SRGAP3: variants seen among roughly 807,000 people sequenced by gnomAD.
SRGAP3 encodes the protein SLIT-ROBO Rho GTPase-activating protein 3.
Under a neutral mutation model 121.1 loss-of-function variants are expected in SRGAP3, and 39 were observed. The ratio of observed to expected loss-of-function variants is 0.32; its 90% CI spans 0.25 to 0.42. The LOEUF (loss-of-function observed/expected upper bound fraction) is 0.42, where lower values mean the gene tolerates loss of function less well. Ranked by LOEUF, SRGAP3 falls within the 10% of genes least tolerant of loss-of-function variation. The pLI is 1.00. For synonymous variants in SRGAP3, 601 were observed against 570.0 expected (o/e 1.05, Z -0.77); for missense variants, 1,213 against 1,470.6 (o/e 0.82, Z 2.86).
At position 9,239,365 on chromosome 3, in the gene SRGAP3, G is replaced by A. The variant is rs1313406413; in HGVS notation, c.67+9520C>T. On this transcript the variant is annotated intron_variant, in intron 1 of 21. Transcript: ENST00000383836. The surrounding 1 kb of genome is among the most constrained non-coding windows in gnomAD (Gnocchi z 4.0). Reference sequence around the variant, plus strand: ...ACTGCATTCCAGTCTGGGCAACAGAGCAAGACTCTGTCTCAAAAAAACAAA... The same window carrying A: ...ACTGCATTCCAGTCTGGGCAACAGAACAAGACTCTGTCTCAAAAAAACAAA... Among the ~76,000 whole-genome samples, 2 of 152,200 alleles carry A rather than the reference G, an allele frequency of 1.3e-5. No homozygotes were observed. The highest frequency in any genetic ancestry group is 1.3e-4 in the Admixed American group (2 of 15,282).
intron 1 of SRGAP3, among the ~76,000 whole-genome samples, chr3:9,341,823 T>C (rs1029067279): frequency 1.3e-5 from 2 of 152,178 alleles, no homozygotes; most frequent in Admixed American, 6.5e-5. Flanking sequence ...CTAGACTGAC[T>C]AGGCTTTCTG....
chr3:8,994,610 G>C, intron 18 of SRGAP3, 87 bp from the exon 19 acceptor site: 1 of 1,539,752 alleles, frequency 6.5e-7, no homozygotes, highest in African/African-American at 1.4e-5. Context: ...GGCTTCTCTG[G>C]GGAAGGATAG....
intron 3 of SRGAP3, among the ~76,000 whole-genome samples, chr3:9,279,452 G>A (rs1360102479): frequency 1.3e-5 from 2 of 151,774 alleles, no homozygotes; most frequent in Non-Finnish European, 2.9e-5. Flanking sequence ...CTCTCTGTCT[G>A]AGCAAAATCC....
chr3:9,221,204 T>G (rs1952800322), intron 1 of SRGAP3, among the ~76,000 whole-genome samples: 1 of 152,202 alleles, frequency 6.6e-6, no homozygotes, highest in Non-Finnish European at 1.5e-5. Flanking sequence ...TCAGCAAAGC[T>G]TCCTGCTTTC....
At chr3:9,207,172 G>A (rs111491044) in intron 1 of SRGAP3, among the ~76,000 whole-genome samples, 21 of 152,266 alleles carry the variant, frequency 1.4e-4, no homozygotes, top group African/African-American at 4.1e-4. Flanking sequence ...TTTAAGTACC[G>A]TTGTCCCTAT....
At chr3:9,205,462 C>T (rs1266279878) in intron 1 of SRGAP3, among the ~76,000 whole-genome samples, 3 of 152,344 alleles carry the variant, frequency 2.0e-5, no homozygotes, top group Middle Eastern at 3.4e-3. Context: ...ACAACTATCA[C>T]GTTTACAGAA....
At chr3:9,315,528 G>A (rs1955328475) in intron 3 of SRGAP3, among the ~76,000 whole-genome samples, 4 of 152,154 alleles carry the variant, frequency 2.6e-5, no homozygotes. Flanking sequence ...CGAAAGGAAG[G>A]GTAATGGCTG....
At chr3:9,236,820 A>C (rs1025529787) in intron 1 of SRGAP3, among the ~76,000 whole-genome samples, 11 of 152,200 alleles carry the variant, frequency 7.2e-5, no homozygotes, top group African/African-American at 2.7e-4. Context: ...TCATAGAACT[A>C]TGTGTCTGAG....
Position 9,320,798 on chromosome 3 carries a change from A to G in SRGAP3, n.442+5212T>C, listed in dbSNP as rs1955426896. On this transcript the variant is annotated intron_variant and non_coding_transcript_variant, in intron 3 of 3. Transcript: ENST00000490889. ...ATCACCTTGAACTTCTCAGTTAAGT[A>G]AACCAATAAATTCCCTTTTTGAGTA... Among the ~76,000 whole-genome samples, 2 of 151,860 alleles carry G rather than the reference A, an allele frequency of 1.3e-5. 1 individual carries two copies. Among genetic ancestry groups the G allele is most frequent in the South Asian group, 4.1e-4 (2 of 4,828 alleles).
chr3:9,238,430 T>C (rs1953494509), intron 1 of SRGAP3, among the ~76,000 whole-genome samples: 1 of 151,982 alleles, frequency 6.6e-6, no homozygotes, highest in Non-Finnish European at 1.5e-5. Context: ...AACGTGAGAT[T>C]TATGGAAAAC....
chr3:9,155,760 T>C (rs143632677), intron 1 of SRGAP3, among the ~76,000 whole-genome samples: 1,620 of 152,324 alleles, frequency 0.011, 19 homozygotes, highest in Non-Finnish European at 0.017. Context: ...CCGGTGTTCT[T>C]GTTTGGTTTC....
At chr3:9,106,164 G>T (rs1948413466) in intron 2 of SRGAP3, among the ~76,000 whole-genome samples, 2 of 152,240 alleles carry the variant, frequency 1.3e-5, no homozygotes, top group South Asian at 4.1e-4. Flanking sequence ...AGGAAAGGGT[G>T]GATACACCCT....
intron 1 of SRGAP3, among the ~76,000 whole-genome samples, chr3:9,183,983 T>C (rs1951517160): frequency 6.6e-6 from 1 of 152,062 alleles, no homozygotes; most frequent in South Asian, 2.1e-4. Context: ...CCTCGCCTCC[T>C]CTTGGAGCTG....
At position 9,064,420 on chromosome 3, in the gene SRGAP3, C is replaced by G. The variant is rs369074306; in HGVS notation, c.648G>C (p.Lys216Asn). 6.2e-7 allele frequency: 1 copy of G among 1,614,254 alleles called. No individual in the cohort carries two copies. Among genetic ancestry groups the G allele is most frequent in the Non-Finnish European group, 8.5e-7 (1 of 1,180,050 alleles). Residue 216 changes from lysine (K) to asparagine (N), a missense_variant, in exon 5 of 22, where the codon AAG (lysine) becomes AAC (asparagine). This residue lies in a region of SRGAP3 where 793 missense variants were observed against 1,032.9 expected (regional missense o/e 0.77). Transcript: ENST00000383836. ...CCTTCTCCTTCATCTTCTCAATCTT[C>G]TTCACAGAGCTGCGGCGCTGGGGCC... ...EDRPQRRSSVKKIEKMKEKRQ... is the reference protein window; with the variant it reads ...EDRPQRRSSVNKIEKMKEKRQ...
At chr3:9,200,619 CAGGCAAAG>C (rs1952040426) in intron 1 of SRGAP3, among the ~76,000 whole-genome samples, 1 of 152,126 alleles carries the variant, frequency 6.6e-6, no homozygotes, top group Admixed American at 6.5e-5. Flanking sequence ...AGTAGTTTCC[CAGGCAAAG>C]AAGGAAGACC....
At chr3:9,217,125 T>C (rs1042406513) in intron 1 of SRGAP3, 2 of 152,160 alleles carry the variant, frequency 1.3e-5, no homozygotes, top group African/African-American at 2.4e-5. Flanking sequence ...TTAACGTCAT[T>C]GAACTGTGCA....
At chr3:9,175,057 C>T (rs1951128183) in intron 1 of SRGAP3, among the ~76,000 whole-genome samples, 1 of 152,198 alleles carries the variant, frequency 6.6e-6, no homozygotes, top group African/African-American at 2.4e-5. Flanking sequence ...ACATCCGAAA[C>T]TCCCCGGGAT....
At chr3:9,125,028 C>T in intron 1 of SRGAP3, 111 bp from the exon 2 acceptor site, 1 of 1,243,496 alleles carries the variant, frequency 8.0e-7, no homozygotes, top group Non-Finnish European at 1.2e-6. Context: ...CTCCTAACAC[C>T]ATCCAGAGCC....
Position 9,265,667 on chromosome 3 carries a change from A to G in SRGAP3, n.442+60343T>C, listed in dbSNP as rs536018007. Among the ~76,000 whole-genome samples, 176 of 152,356 alleles carry G rather than the reference A, an allele frequency of 1.2e-3. 1 individual carries two copies. The highest frequency in any genetic ancestry group is 4.2e-3 in the African/African-American group (175 of 41,588). ...TAGAGAAATGCAAATCAAAACCACA[A>G]TGAGATACCATCTCACACCAGTTAG... On this transcript the variant is annotated intron_variant and non_coding_transcript_variant, in intron 3 of 3. Transcript: ENST00000490889.
Sources: gnomAD v4.1 joint callset for allele counts (sites outside exome capture counted in the v4.1 genomes callset) on GRCh38, gnomAD v4.1.1 for gene constraint, gnomAD v4.1.1 regional missense constraint, Gnocchi (gnomAD v3.1) non-coding constraint, MANE v1.5 for transcripts, NCBI Gene and HGNC (gene_info 2026-07-23, HGNC 2026-07-21) for gene names.